The following VEPH1 variants were observed in gnomAD, a reference collection of about 807,000 sequenced individuals.
VEPH1 encodes ventricular zone-expressed PH domain-containing protein homolog 1.
VEPH1 carries 80 observed loss-of-function variants against 85.2 expected under a neutral mutation model. The ratio of observed to expected loss-of-function variants is 0.94; its 90% CI spans 0.78 to 1.13. The LOEUF (loss-of-function observed/expected upper bound fraction) is 1.13, where lower values mean the gene tolerates loss of function less well. Ranked by LOEUF, VEPH1 falls within the 50% of genes most tolerant of loss-of-function variation. The pLI, the probability that VEPH1 is intolerant of heterozygous loss-of-function variation, is 0.00. For missense variants in VEPH1, 955 were observed against 980.5 expected (o/e 0.97, Z 0.35); for synonymous variants, 297 against 348.0 (o/e 0.85, Z 1.63).
intron 13 of VEPH1, among the ~76,000 whole-genome samples, chr3:157,262,540 T>A (rs1056920049): frequency 4.1e-5 from 6 of 145,234 alleles, no homozygotes; most frequent in African/African-American, 7.6e-5. Context: ...AAACATGATT[T>A]AAAAAAAAAA....
chr3:157,431,564 C>T (rs562977953), intron 4 of VEPH1, among the ~76,000 whole-genome samples: 10 of 151,996 alleles, frequency 6.6e-5, no homozygotes, highest in African/African-American at 2.2e-4. Flanking sequence ...TATTTAGCAA[C>T]CTTAATTCTA....
intron 13 of VEPH1, among the ~76,000 whole-genome samples, chr3:157,264,910 G>T (rs1330639516): frequency 1.3e-5 from 2 of 152,074 alleles, no homozygotes. Context: ...GATTGCAATG[G>T]AATGCTACTT....
At chr3:157,277,304 G>A (rs1715524609) in intron 12 of VEPH1, among the ~76,000 whole-genome samples, 1 of 152,182 alleles carries the variant, frequency 6.6e-6, no homozygotes, top group Non-Finnish European at 1.5e-5. Flanking sequence ...TTACTGATGG[G>A]ATCTGGCCAT....
At chr3:157,400,695 T>C (rs1207243982) in intron 6 of VEPH1, among the ~76,000 whole-genome samples, 1 of 152,152 alleles carries the variant, frequency 6.6e-6, no homozygotes, top group Non-Finnish European at 1.5e-5. Context: ...CCTCCATTTG[T>C]GCTAAGAGTT....
intron 6 of VEPH1, chr3:157,381,655 G>A: frequency 7.3e-6 from 3 of 412,402 alleles, no homozygotes; most frequent in Non-Finnish European, 1.3e-5. Flanking sequence ...GGAGGCAGAC[G>A]GTGCAGTGAG....
intron 9 of VEPH1, among the ~76,000 whole-genome samples, chr3:157,339,300 G>C (rs1023529797): frequency 1.3e-5 from 2 of 152,050 alleles, no homozygotes; most frequent in Non-Finnish European, 2.9e-5. Context: ...GCATTTTAGG[G>C]GACAAGGAAA....
intron 6 of VEPH1, among the ~76,000 whole-genome samples, chr3:157,384,053 A>G (rs979008078): frequency 1.3e-5 from 2 of 152,234 alleles, no homozygotes; most frequent in African/African-American, 4.8e-5. Context: ...AGTCAGGAAC[A>G]TATCACTGAA....
intron 11 of VEPH1, among the ~76,000 whole-genome samples, chr3:157,312,900 A>ATTTTTTTT (rs140277345): frequency 2.0e-5 from 2 of 98,082 alleles, no homozygotes; most frequent in African/African-American, 8.3e-5. Flanking sequence ...AAAAAAAAAC[A>ATTTTTTTT]TTTTTTTTTT....
intron 9 of VEPH1, among the ~76,000 whole-genome samples, chr3:157,356,125 C>T (rs1206089207): frequency 6.6e-6 from 1 of 152,088 alleles, no homozygotes; most frequent in African/African-American, 2.4e-5. Flanking sequence ...CCGTGAACTC[C>T]TGGGCTCAAG....
Position 157,363,775 on chromosome 3 carries a change from A to G in VEPH1, c.1338-14T>C. 1 of 1,604,962 alleles carries G rather than the reference A, an allele frequency of 6.2e-7. No homozygotes were observed. The highest frequency in any genetic ancestry group is 8.5e-7 in the Non-Finnish European group (1 of 1,175,064). On this transcript the variant is annotated splice_polypyrimidine_tract_variant and intron_variant, in intron 8 of 13. Transcript: ENST00000362010. ...AAACTTTTTGACCTAGAGTTCAAACAAAGGGAAAGTTAAAGAAGTTGTGTT... is the reference window on the plus strand; with the variant it reads ...AAACTTTTTGACCTAGAGTTCAAACGAAGGGAAAGTTAAAGAAGTTGTGTT...
intron 2 of VEPH1, chr3:157,488,947 T>C (rs928070579): frequency 5.2e-5 from 12 of 228,606 alleles, no homozygotes; most frequent in Admixed American, 1.5e-4. Context: ...TCTCTCTCTT[T>C]CTCTCTCCCC....
In VEPH1 at chr3:157,309,527, T is replaced by G. The variant is rs530043814; in HGVS notation, c.2010+4094A>C. On this transcript the variant is annotated intron_variant, in intron 11 of 13. Transcript: ENST00000362010. ...ATTAGTGACACAGACATTAATAAAATTTTTATACAAAATGTGTGTTAGTAA... is the reference window on the plus strand; with the variant it reads ...ATTAGTGACACAGACATTAATAAAAGTTTTATACAAAATGTGTGTTAGTAA... 2.6e-5 allele frequency among the ~76,000 whole-genome samples: 4 copies of G among 152,226 alleles called. No homozygotes were observed. In the East Asian group the frequency reaches 7.7e-4, roughly 29 times the overall value.
chr3:157,433,794 C>T (rs368637383), intron 4 of VEPH1, among the ~76,000 whole-genome samples: 63 of 152,124 alleles, frequency 4.1e-4, no homozygotes, highest in African/African-American at 1.0e-3. Context: ...TTGTACAAAA[C>T]GGGGATTATG....
intron 5 of VEPH1, among the ~76,000 whole-genome samples, chr3:157,426,987 C>A (rs1732802456): frequency 6.7e-6 from 1 of 148,970 alleles, no homozygotes. Context: ...TTTCTTTTTT[C>A]TTTTCTTTTT....
At chr3:157,309,148 T>C (rs1719830572) in intron 11 of VEPH1, among the ~76,000 whole-genome samples, 1 of 152,126 alleles carries the variant, frequency 6.6e-6, no homozygotes, top group Non-Finnish European at 1.5e-5. Flanking sequence ...TTAGATATCC[T>C]GGATTCTGTA....
At chr3:157,413,199 G>T (rs775598004) in intron 6 of VEPH1, among the ~76,000 whole-genome samples, 4 of 152,112 alleles carry the variant, frequency 2.6e-5, no homozygotes, top group Admixed American at 1.3e-4. Flanking sequence ...AGAGAGACAT[G>T]CATGTCTTTG....
intron 7 of VEPH1, among the ~76,000 whole-genome samples, chr3:157,367,126 AC>A (rs1327629652): frequency 2.6e-5 from 4 of 152,358 alleles, no homozygotes; most frequent in African/African-American, 9.6e-5. Flanking sequence ...CATTTTTCTT[AC>A]ATAATTTTAT....
At chr3:157,329,917 C>G (rs1244694711) in intron 9 of VEPH1, among the ~76,000 whole-genome samples, 1 of 152,156 alleles carries the variant, frequency 6.6e-6, no homozygotes, top group Non-Finnish European at 1.5e-5. Context: ...AACATTAATT[C>G]AACAGAGGCT....
At chr3:157,471,598 G>T (rs1350299543) in intron 2 of VEPH1, among the ~76,000 whole-genome samples, 11 of 152,068 alleles carry the variant, frequency 7.2e-5, no homozygotes. Flanking sequence ...TTTTGCTTAG[G>T]AATTTCCTTG....
Sources: allele counts gnomAD v4.1 joint callset (sites outside exome capture counted in the v4.1 genomes callset), GRCh38; gene constraint gnomAD v4.1.1; transcripts MANE v1.5; gene names NCBI Gene and HGNC (gene_info 2026-07-23, HGNC 2026-07-21).